COMMD1: variants seen among roughly 807,000 people sequenced by gnomAD.
COMMD1 encodes the protein COMM domain-containing protein 1.
COMMD1 carries 10 observed loss-of-function variants against 17.2 expected under a neutral mutation model. The ratio of observed to expected loss-of-function variants is 0.58; its 90% CI spans 0.36 to 0.99. The LOEUF is 0.99. Among genes scored for constraint, COMMD1 ranks in the 50% least tolerant of loss-of-function variants. The pLI, the probability that COMMD1 is intolerant of heterozygous loss-of-function variation, is 0.01. For missense variants in COMMD1, 270 were observed against 231.8 expected (o/e 1.17, Z -1.07); for synonymous variants, 97 against 91.6 (o/e 1.06, Z -0.34).
At chr2:62,078,593 G>A (rs1406964935) in intron 2 of COMMD1, among the ~76,000 whole-genome samples, 3 of 149,412 alleles carry the variant, frequency 2.0e-5, no homozygotes, top group Non-Finnish European at 4.4e-5. Flanking sequence ...GTGGGGCCAG[G>A]CACGGTGGCT....
At chr2:61,899,294 TTGAGAC>T (rs1171659650) in intron 1 of COMMD1, among the ~76,000 whole-genome samples, 3 of 152,200 alleles carry the variant, frequency 2.0e-5, no homozygotes, top group Non-Finnish European at 4.4e-5. Context: ...GGATGGGAAG[TTGAGAC>T]TGAGAAAATT....
chr2:62,062,207 T>C (rs1670879720), intron 2 of COMMD1, among the ~76,000 whole-genome samples: 1 of 151,388 alleles, frequency 6.6e-6, no homozygotes, highest in Non-Finnish European at 1.5e-5. Flanking sequence ...TGGTTGTTTT[T>C]GTTTTTCGGT....
chr2:61,980,998 G>A (rs547889778), intron 1 of COMMD1, among the ~76,000 whole-genome samples: 1 of 152,184 alleles, frequency 6.6e-6, no homozygotes, highest in African/African-American at 2.4e-5. Flanking sequence ...TTAAAATTGG[G>A]TTATTAGATT....
chr2:61,941,380 A>G (rs1475290594), intron 1 of COMMD1, among the ~76,000 whole-genome samples: 3 of 152,176 alleles, frequency 2.0e-5, no homozygotes, highest in Non-Finnish European at 4.4e-5. Context: ...AGCAAATTTG[A>G]TAAGGCTTCT....
chr2:62,098,946 C>G (rs185848871), intron 2 of COMMD1, among the ~76,000 whole-genome samples: 2 of 152,258 alleles, frequency 1.3e-5, no homozygotes, highest in Admixed American at 6.5e-5. Flanking sequence ...GATCTTCAGT[C>G]GGACTGGGGA....
At chr2:61,991,467 C>G (rs866126328) in intron 1 of COMMD1, among the ~76,000 whole-genome samples, 1 of 152,184 alleles carries the variant, frequency 6.6e-6, no homozygotes, top group Non-Finnish European at 1.5e-5. Flanking sequence ...ATACATAGAC[C>G]CTGCTCTCAA....
At chr2:62,092,168 C>T (rs1331260728) in intron 2 of COMMD1, among the ~76,000 whole-genome samples, 1 of 152,158 alleles carries the variant, frequency 6.6e-6, no homozygotes, top group Non-Finnish European at 1.5e-5. Context: ...AGTTTCCTGG[C>T]TTTAGCAAGG....
At chr2:61,946,995 G>A (rs1346657152) in intron 1 of COMMD1, among the ~76,000 whole-genome samples, 2 of 152,106 alleles carry the variant, frequency 1.3e-5, no homozygotes, top group East Asian at 3.8e-4. Context: ...ATTTTACAGG[G>A]AAATCTAGGA....
At chr2:61,932,877 C>G (rs1033376403) in intron 1 of COMMD1, among the ~76,000 whole-genome samples, 1 of 152,206 alleles carries the variant, frequency 6.6e-6, no homozygotes, top group Non-Finnish European at 1.5e-5. Flanking sequence ...AACCAGTGCT[C>G]TTTCAGCTCT....
At chr2:62,071,381 C>G (rs1671194676) in intron 2 of COMMD1, among the ~76,000 whole-genome samples, 1 of 152,212 alleles carries the variant, frequency 6.6e-6, no homozygotes, top group Non-Finnish European at 1.5e-5. Flanking sequence ...CTGGCTTTTT[C>G]ACCACATGCT....
intron 2 of COMMD1, among the ~76,000 whole-genome samples, chr2:62,123,552 GGAAA>G (rs765217380): frequency 1.2e-4 from 17 of 146,982 alleles, no homozygotes; most frequent in Non-Finnish European, 2.1e-4. Flanking sequence ...AAGGAAGGAA[GGAAA>G]GAAGGAAGGA....
intron 2 of COMMD1, chr2:62,055,595 G>A (rs13425453): frequency 0.076 from 29,314 of 383,280 alleles, 3,641 homozygotes; most frequent in African/African-American, 0.37. Context: ...TTCAAAAGAA[G>A]AAAATGTGAA....
At chr2:62,090,472 A>C (rs1199102674) in intron 2 of COMMD1, among the ~76,000 whole-genome samples, 2 of 152,140 alleles carry the variant, frequency 1.3e-5, no homozygotes, top group Non-Finnish European at 2.9e-5. Context: ...CCATAGATAT[A>C]ACATCCTGAG....
intron 1 of COMMD1, among the ~76,000 whole-genome samples, chr2:61,959,501 A>G (rs1295761966): frequency 6.6e-6 from 1 of 152,210 alleles, no homozygotes; most frequent in Non-Finnish European, 1.5e-5. Context: ...ATGTAATTTT[A>G]TTTAATTTTT....
At chr2:62,010,119 G>A (rs1481920245) in intron 2 of COMMD1, among the ~76,000 whole-genome samples, 1 of 152,076 alleles carries the variant, frequency 6.6e-6, no homozygotes, top group Admixed American at 6.5e-5. Context: ...TCTTAGCTAA[G>A]TCTTTCCTTT....
At chr2:62,080,330 G>A (rs1463186676) in intron 2 of COMMD1, among the ~76,000 whole-genome samples, 1 of 152,216 alleles carries the variant, frequency 6.6e-6, no homozygotes, top group Non-Finnish European at 1.5e-5. Flanking sequence ...CTGGCAATGT[G>A]CCTGCCTTAT....
intron 2 of COMMD1, among the ~76,000 whole-genome samples, chr2:62,105,025 T>C (rs970456264): frequency 7.3e-5 from 11 of 151,418 alleles, no homozygotes; most frequent in Admixed American, 6.6e-4. Flanking sequence ...CTCGGGAGGT[T>C]GAGGCAGGAG....
intron 2 of COMMD1, among the ~76,000 whole-genome samples, chr2:62,037,006 T>C (rs1328508084): frequency 6.6e-6 from 1 of 152,242 alleles, no homozygotes; most frequent in African/African-American, 2.4e-5. Flanking sequence ...TATTTACTTA[T>C]GCCTATAAAT....
intron 1 of COMMD1, among the ~76,000 whole-genome samples, chr2:61,981,200 G>T (rs1037392761): frequency 1.3e-5 from 2 of 152,120 alleles, no homozygotes; most frequent in Admixed American, 6.6e-5. Flanking sequence ...CTGTACTTGT[G>T]GGGTATTTAC....
Sources: gnomAD v4.1 joint callset for allele counts (sites outside exome capture counted in the v4.1 genomes callset) on GRCh38, gnomAD v4.1.1 for gene constraint, MANE v1.5 for transcripts, NCBI Gene and HGNC (gene_info 2026-07-23, HGNC 2026-07-21) for gene names.